ZSCAN32: variants seen among roughly 807,000 people sequenced by gnomAD.
The protein encoded by ZSCAN32 is zinc finger and SCAN domain-containing protein 32.
ZSCAN32 carries 52 observed loss-of-function variants against 47.4 expected under a neutral mutation model. That is an observed-to-expected ratio of 1.10 (90% CI 0.88 to 1.38). The LOEUF is 1.38. ZSCAN32 is among the 40% of genes most tolerant of loss of function. The pLI is 0.00. For synonymous variants in ZSCAN32, 346 were observed against 305.7 expected (o/e 1.13, Z -1.38); for missense variants, 959 against 846.0 (o/e 1.13, Z -1.66).
intron 5 of ZSCAN32, among the ~76,000 whole-genome samples, chr16:3,387,974 G>C (rs368471179): frequency 7.2e-5 from 11 of 152,112 alleles, no homozygotes; most frequent in African/African-American, 2.2e-4. Context: ...ACCGCACAAG[G>C]CTCCCCCATT....
chr16:3,389,874 T>G, intron 5 of ZSCAN32, 136 bp downstream of exon 5: 1 of 869,410 alleles, frequency 1.2e-6, no homozygotes, highest in Non-Finnish European at 1.7e-6. Context: ...CCTGCTCTGG[T>G]TCCCCATTTA....
chr16:3,397,422 G>A lies in ZSCAN32; in HGVS notation c.136C>T (p.Gln46Ter). 1 of 1,551,980 alleles carries A rather than the reference G, an allele frequency of 6.4e-7. No individual in the cohort carries two copies. The highest frequency in any genetic ancestry group is 2.4e-5 in the East Asian group (1 of 41,032). ...GCTTCATGTGGGCCAGTTACCTCCT[G>A]GTAGCAAAACTGCCTGAAGCGCTGA... ...SRQRFRQFCY[Q>*]EVTGPHEAFS... Residue 46 changes from glutamine to a stop codon, truncating the protein, a stop_gained, in exon 2 of 7, where the codon CAG (glutamine) becomes TAG (stop). Coordinates refer to ENST00000396852, the MANE Select transcript of ZSCAN32 (RefSeq NM_001284527.2). LOFTEE classifies it high-confidence loss of function.
intron 2 of ZSCAN32, among the ~76,000 whole-genome samples, chr16:3,394,735 C>G (rs768213788): frequency 2.0e-5 from 3 of 152,208 alleles, no homozygotes; most frequent in Non-Finnish European, 2.9e-5. Context: ...TCCTCCCTTT[C>G]TCTCACAGCA....
At chr16:3,396,359 T>G (rs2033369738) in intron 2 of ZSCAN32, among the ~76,000 whole-genome samples, 1 of 152,052 alleles carries the variant, frequency 6.6e-6, no homozygotes, top group African/African-American at 2.4e-5. Flanking sequence ...CTTCACCCAT[T>G]CCTCTTCCCA....
At chr16:3,389,657 G>C (rs980184425) in intron 5 of ZSCAN32, among the ~76,000 whole-genome samples, 1 of 152,174 alleles carries the variant, frequency 6.6e-6, no homozygotes, top group African/African-American at 2.4e-5. Flanking sequence ...AGCGACTACT[G>C]CTACCTGTGT....
rs371700011 is a variant in ZSCAN32 at position 3,384,851 on chromosome 16, T to C, written c.842A>G (p.Gln281Arg). 4 of 1,614,062 alleles carry C rather than the reference T, an allele frequency of 2.5e-6. No individual in the cohort carries two copies. The African/African-American group carries it at 4.0e-5, about 16-fold the overall frequency. The part of the protein sequence containing the change: ...SQFYGKLQTC[Q>R]QNSQIYRAMA... ...GGCCCTGTAGATCTGGCTGTTCTGCTGACAGGTCTGGAGTTTTCCATAAAA... is the reference window on the plus strand; with the variant it reads ...GGCCCTGTAGATCTGGCTGTTCTGCCGACAGGTCTGGAGTTTTCCATAAAA... Residue 281 changes from glutamine (Q) to arginine (R), a missense_variant, in exon 6 of 7, where the codon CAG becomes CGG. Gln to Arg is a conservative substitution (Grantham distance 43). Transcript: ENST00000396852.
chr16:3,382,588 C>T lies in ZSCAN32; in HGVS notation c.*264G>A, dbSNP rs1166801495. 2.9e-6 allele frequency: 1 copy of T among 340,050 alleles called. No homozygotes were observed. The highest frequency in any genetic ancestry group is 5.0e-5 in the East Asian group (1 of 19,900). 21.1% of individuals were successfully genotyped at this position (340,050 alleles called of 1,614,324 possible). A position where few individuals can be genotyped will look rare whatever the true frequency, so the allele number is the denominator to read the frequency against. On this transcript the variant is annotated 3_prime_UTR_variant, in exon 7 of 7. Coordinates refer to ENST00000396852, the MANE Select transcript of ZSCAN32 (RefSeq NM_001284527.2). Reference sequence around the variant, plus strand: ...ATTCTCAGTGCTAGGAACAGGAAGACCCTGGTTTCCTGGTAGAATTTATGG... The same window carrying T: ...ATTCTCAGTGCTAGGAACAGGAAGATCCTGGTTTCCTGGTAGAATTTATGG...
chr16:3,383,182 C>G lies in ZSCAN32; in HGVS notation c.1764G>C (p.Gln588His). ...TCTGGTGGACAATGAGGCTGGAACTCTGGTTGAAGCTTTTCCCACATTGCC... is the reference window on the plus strand; with the variant it reads ...TCTGGTGGACAATGAGGCTGGAACTGTGGTTGAAGCTTTTCCCACATTGCC... ...QCGQCGKSFN[Q>H]SSSLIVHQRT... is the part of the protein sequence containing the mutation. The change falls in exon 7 of 7, where the codon CAG (glutamine) becomes CAC (histidine). Residue 588 changes from glutamine to histidine, a missense_variant. Physicochemically the swap from Gln to His is conservative, Grantham distance 24. Coordinates refer to ENST00000396852, the MANE Select transcript of ZSCAN32 (RefSeq NM_001284527.2). 1.2e-6 allele frequency: 2 copies of G among 1,614,140 alleles called. No homozygotes were observed. Among genetic ancestry groups the G allele is most frequent in the Non-Finnish European group, 1.7e-6 (2 of 1,180,030 alleles).
chr16:3,397,273 G>T lies in ZSCAN32; in HGVS notation c.285C>A (p.Thr95=), dbSNP rs1056653204. Residue 95 remains threonine (T), a synonymous_variant, in exon 2 of 7, where the codon ACC becomes ACA. Transcript: ENST00000396852. ...TTTCTGGATGCTGCTCCCTCACCCAGGTCTGGATCTCCTCTGGCAAGATAG... is the reference window on the plus strand; with the variant it reads ...TTTCTGGATGCTGCTCCCTCACCCATGTCTGGATCTCCTCTGGCAAGATAG... ...FLTILPEEIQ[T]WVREQHPENG... is the part of the protein sequence containing the mutation. 1.1e-5 allele frequency: 17 copies of T among 1,570,660 alleles called. No homozygotes were observed. Among genetic ancestry groups the T allele is most frequent in the Non-Finnish European group, 1.4e-5 (16 of 1,157,962 alleles).
In ZSCAN32 at chr16:3,384,439, C is replaced by T. The variant is rs775480550; in HGVS notation, c.1234+20G>A. ...GTGGACTTTGCCATCCTTTGACCAT[C>T]AGAGCCAAGGGAGTCTTACCAAGTC... On this transcript the variant is annotated intron_variant, in intron 6 of 6. Transcript: ENST00000396852. 2 of 1,613,486 alleles carry T rather than the reference C, an allele frequency of 1.2e-6. No individual in the cohort carries two copies. The highest frequency in any genetic ancestry group is 1.7e-5 in the Admixed American group (1 of 59,960).
At chr16:3,387,060 A>T (rs769703354) in intron 5 of ZSCAN32, among the ~76,000 whole-genome samples, 11 of 152,190 alleles carry the variant, frequency 7.2e-5, no homozygotes, top group Non-Finnish European at 1.2e-4. Context: ...CTTTTAGTAT[A>T]ATACAAAAGA....
rs892704604 is a variant in ZSCAN32 at position 3,383,161 on chromosome 16, G to A, written c.1785C>T (p.His595=). Residue 595 remains histidine, a synonymous_variant, in exon 7 of 7, where the codon CAC becomes CAT. Coordinates refer to ENST00000396852, the MANE Select transcript of ZSCAN32 (RefSeq NM_001284527.2). ...GCTTTTCCCCGGTATGGGTCCTCTG[G>A]TGGACAATGAGGCTGGAACTCTGGT... is the stretch of plus-strand genomic sequence containing the variant. The part of the protein sequence containing the change: ...SFNQSSSLIV[H]QRTHTGEKPY... 1 of 1,614,144 alleles carries A rather than the reference G, an allele frequency of 6.2e-7. No homozygotes were observed. Among genetic ancestry groups the A allele is most frequent in the Non-Finnish European group, 8.5e-7 (1 of 1,180,024 alleles).
chr16:3,393,573 A>T, intron 3 of ZSCAN32, 76 bp downstream of exon 3: 1 of 1,378,614 alleles, frequency 7.3e-7, no homozygotes, highest in Non-Finnish European at 9.6e-7. Flanking sequence ...CCTTGGGTGG[A>T]CTCAGTTCAG....
intron 1 of ZSCAN32, among the ~76,000 whole-genome samples, chr16:3,399,230 A>G (rs2033662330): frequency 1.3e-5 from 2 of 152,188 alleles, no homozygotes; most frequent in Admixed American, 1.3e-4. Flanking sequence ...TCAAAAAAAG[A>G]AAAAGTCCCT....
chr16:3,393,695 A>G lies in ZSCAN32; in HGVS notation c.486T>C (p.Phe162=), dbSNP rs747838818. The G allele has an allele frequency of 1.3e-5, 20 of 1,550,054 alleles. No homozygotes were observed. The highest frequency in any genetic ancestry group is 1.7e-5 in the Non-Finnish European group (20 of 1,146,918). Residue 162 remains phenylalanine (F), a synonymous_variant, in exon 3 of 7, where the codon TTT becomes TTC. Transcript: ENST00000396852. ...KQEVQPEEPT[F]KGSQSSHQRP... ...TTTGGTGTGAGCTCTGTGATCCCTTAAAAGTCGGTTCCTCTGGCTGAACCT... is the reference window on the plus strand; with the variant it reads ...TTTGGTGTGAGCTCTGTGATCCCTTGAAAGTCGGTTCCTCTGGCTGAACCT...
chr16:3,388,678 A>C (rs1216338457), intron 5 of ZSCAN32, among the ~76,000 whole-genome samples: 1 of 152,216 alleles, frequency 6.6e-6, no homozygotes, highest in African/African-American at 2.4e-5. Context: ...ATTTTAAAGG[A>C]TCCTCAATGG....
Position 3,389,993 on chromosome 16 carries a change from G to T in ZSCAN32, c.751+17C>A. ...TGAACACATCCACCTTGACCTGGAGGGAAGATGGATCCTTACCCAGCGAGA... is the reference window on the plus strand; with the variant it reads ...TGAACACATCCACCTTGACCTGGAGTGAAGATGGATCCTTACCCAGCGAGA... On this transcript the variant is annotated intron_variant, in intron 5 of 6. Transcript: ENST00000396852. 1 of 1,599,668 alleles carries T rather than the reference G, an allele frequency of 6.3e-7. No homozygotes were observed. The highest frequency in any genetic ancestry group is 8.5e-7 in the Non-Finnish European group (1 of 1,172,514).
In ZSCAN32 at chr16:3,383,006, TG is replaced by T. The variant is rs2031410199; in HGVS notation, c.1939del (p.His647ThrfsTer38). 1.2e-6 allele frequency: 2 copies of T among 1,613,860 alleles called. No individual in the cohort carries two copies. Among genetic ancestry groups the T allele is most frequent in the Non-Finnish European group, 1.7e-6 (2 of 1,179,932 alleles). On this transcript the variant is annotated frameshift_variant, in exon 7 of 7. Transcript: ENST00000396852. LOFTEE classifies it low-confidence loss of function (END_TRUNC). ...GTGGGTTTTTCGGTGGGCACTGAAGTGGGAGCTATTGTTGAAGATTTTCCCA... is the reference window on the plus strand; with the variant it reads ...GTGGGTTTTTCGGTGGGCACTGAAGTGGAGCTATTGTTGAAGATTTTCCCA... The part of the protein sequence containing the change: ...VCGKIFNNSS[H>X]FSAHRKTHTG...
chr16:3,384,323 C>T (rs960320025), intron 6 of ZSCAN32, 136 bp downstream of exon 6: 1 of 1,344,906 alleles, frequency 7.4e-7, no homozygotes, highest in Admixed American at 2.2e-5. Context: ...TCCATGAAAA[C>T]CAAAACTTGG....
Sources: allele counts gnomAD v4.1 joint callset (sites outside exome capture counted in the v4.1 genomes callset), GRCh38; gene constraint gnomAD v4.1.1; transcripts MANE v1.5; gene names NCBI Gene and HGNC (gene_info 2026-07-23, HGNC 2026-07-21).